ENTREP2: variants seen among roughly 807,000 people sequenced by gnomAD.
ENTREP2 encodes protein ENTREP2.
chr15:29,559,391 C>T, the ENTREP2 span, among the ~76,000 whole-genome samples: 1 of 152,134 alleles, frequency 6.6e-6, no homozygotes, highest in Non-Finnish European at 1.5e-5. Context: ...GTAAACAACT[C>T]TCCCCTCCTG....
chr15:29,137,759 C>T, the ENTREP2 span, among the ~76,000 whole-genome samples: 1 of 152,106 alleles, frequency 6.6e-6, no homozygotes, highest in African/African-American at 2.4e-5. Context: ...CTGCTTGAAC[C>T]CGGGAGGCGG....
At chr15:29,129,006 A>AC in the ENTREP2 span, 1 of 608,740 alleles carries the variant, frequency 1.6e-6, no homozygotes, top group Admixed American at 3.0e-5. Flanking sequence ...CTTCTCCCCT[A>AC]CATTTATGAG....
At chr15:29,195,379 C>T in the ENTREP2 span, 1 of 960,460 alleles carries the variant, frequency 1.0e-6, no homozygotes, top group African/African-American at 1.8e-5. Context: ...TCCTCCTCTC[C>T]CCAGATCCGA....
the ENTREP2 span, among the ~76,000 whole-genome samples, chr15:29,649,727 CAAAA>C: frequency 1.8e-4 from 12 of 66,938 alleles, no homozygotes; most frequent in East Asian, 4.7e-4. Flanking sequence ...TCAACAACAA[CAAAA>C]AAAAAAAAAA....
chr15:29,177,483 A>G, the ENTREP2 span, among the ~76,000 whole-genome samples: 1 of 152,158 alleles, frequency 6.6e-6, no homozygotes, highest in Non-Finnish European at 1.5e-5. Context: ...TCTTTGCTCA[A>G]TATGTATCTT....
At chr15:29,526,422 C>G in the ENTREP2 span, among the ~76,000 whole-genome samples, 1 of 149,812 alleles carries the variant, frequency 6.7e-6, no homozygotes, top group Non-Finnish European at 1.5e-5. Context: ...AGAGGCAAGC[C>G]ACAGCCCACA....
the ENTREP2 span, among the ~76,000 whole-genome samples, chr15:29,523,561 ATTTTTT>A: frequency 6.4e-5 from 5 of 78,478 alleles, no homozygotes; most frequent in African/African-American, 1.6e-4. Flanking sequence ...TCCCAGCTAG[ATTTTTT>A]TTTTTTTTTT....
At chr15:29,535,623 G>A in the ENTREP2 span, among the ~76,000 whole-genome samples, 330 of 152,284 alleles carry the variant, frequency 2.2e-3, 1 homozygote, top group African/African-American at 7.2e-3. Flanking sequence ...CTGGGAGTGC[G>A]GGATGCAATG....
the ENTREP2 span, among the ~76,000 whole-genome samples, chr15:29,235,968 A>T: frequency 4.2e-4 from 53 of 125,818 alleles, no homozygotes; most frequent in African/African-American, 1.4e-3. Flanking sequence ...ATCTCAAAAA[A>T]AACAAAACAA....
At chr15:29,257,544 C>T in the ENTREP2 span, among the ~76,000 whole-genome samples, 6 of 152,276 alleles carry the variant, frequency 3.9e-5, no homozygotes, top group African/African-American at 9.6e-5. Flanking sequence ...GCTGGATCAA[C>T]GGATAAATGT....
chr15:29,225,649 CAA>C, the ENTREP2 span, among the ~76,000 whole-genome samples: 4 of 152,310 alleles, frequency 2.6e-5, no homozygotes, highest in Admixed American at 6.5e-5. Context: ...CTGGCAGGTG[CAA>C]AGTCAGTGGA....
the ENTREP2 span, among the ~76,000 whole-genome samples, chr15:29,373,154 T>C: frequency 6.6e-6 from 1 of 151,506 alleles, no homozygotes; most frequent in South Asian, 2.1e-4. Flanking sequence ...AAAAGTATTA[T>C]GATCTTAAGA....
the ENTREP2 span, among the ~76,000 whole-genome samples, chr15:29,253,808 G>A: frequency 6.0e-5 from 9 of 150,748 alleles, no homozygotes; most frequent in Admixed American, 4.6e-4. Flanking sequence ...AATTTATTAG[G>A]GTTTCCAAAA....
the ENTREP2 span, among the ~76,000 whole-genome samples, chr15:29,212,046 G>T: frequency 6.6e-6 from 1 of 152,098 alleles, no homozygotes. Flanking sequence ...GTTTCAAAAG[G>T]ATTGGTACCA....
the ENTREP2 span, among the ~76,000 whole-genome samples, chr15:29,188,861 A>G: frequency 0.011 from 1,732 of 152,290 alleles, 42 homozygotes; most frequent in African/African-American, 0.04. Context: ...TACATGATGC[A>G]GCTTAAATAA....
chr15:29,365,894 C>A, the ENTREP2 span, among the ~76,000 whole-genome samples: 4 of 152,062 alleles, frequency 2.6e-5, no homozygotes, highest in African/African-American at 9.7e-5. Flanking sequence ...CAGCACCACC[C>A]AGCAACCCCC....
the ENTREP2 span, among the ~76,000 whole-genome samples, chr15:29,358,387 C>A: frequency 5.3e-5 from 8 of 152,094 alleles, no homozygotes; most frequent in Admixed American, 3.9e-4. Flanking sequence ...GTAAGCAGTA[C>A]ATTATTTAGG....
chr15:29,495,887 T>C, the ENTREP2 span, among the ~76,000 whole-genome samples: 1 of 152,310 alleles, frequency 6.6e-6, no homozygotes, highest in South Asian at 2.1e-4. Context: ...GCTTGGGCTA[T>C]TCGGGGTCTT....
chr15:29,518,728 A>G, the ENTREP2 span, among the ~76,000 whole-genome samples: 1 of 152,194 alleles, frequency 6.6e-6, no homozygotes, highest in African/African-American at 2.4e-5. Context: ...ACGCTGAAGG[A>G]AGTAAAAATC....
Sources: gnomAD v4.1 joint callset for allele counts (sites outside exome capture counted in the v4.1 genomes callset) on GRCh38, gnomAD v4.1.1 for gene constraint, MANE v1.5 for transcripts, NCBI Gene and HGNC (gene_info 2026-07-23, HGNC 2026-07-21) for gene names.